Variants in ALOX15 observed in about 807,000 individuals in gnomAD.
ALOX15 encodes arachidonate 15-lipoxygenase, also known as polyunsaturated fatty acid lipoxygenase ALOX15.
Under a neutral mutation model 71.7 loss-of-function variants are expected in ALOX15, and 68 were observed. The ratio of observed to expected loss-of-function variants is 0.95; its 90% confidence interval spans 0.78 to 1.16. The LOEUF is 1.16. Ranked by LOEUF, ALOX15 falls within the 50% of genes most tolerant of loss-of-function variation. The probability of loss-of-function intolerance (pLI) is 0.00; values close to 1 mark genes in which losing one functional copy is unlikely to be tolerated. For synonymous variants in ALOX15, 346 were observed against 333.3 expected (o/e 1.04, Z -0.42); for missense variants, 798 against 818.8 (o/e 0.97, Z 0.31).
chr17:4,639,260 A>G, intron 2 of ALOX15, 128 bp from the exon 3 acceptor site: 1 of 1,306,630 alleles, frequency 7.7e-7, no homozygotes, highest in East Asian at 2.4e-5. Context: ...CCCCTCCCCC[A>G]GGCTCCAGCC....
At position 4,637,189 on chromosome 17, in the gene ALOX15, G is replaced by A; in HGVS notation, c.877C>T (p.Gln293Ter). The change falls in exon 7 of 14, where the codon CAG becomes TAG. Residue 293 changes from glutamine to a stop codon, truncating the protein, a stop_gained. Coordinates refer to ENST00000293761, the MANE Select transcript of ALOX15 (RefSeq NM_001140.5). LOFTEE classifies it high-confidence loss of function. ...ACTAGAGGGGCAGCCAGGTGCTGCT[G>A]GCTACAGAGAATGACGTTGGCCTTG... The part of the protein sequence containing the change: ...GIKANVILCS[Q>*]QHLAAPLVML... The A allele has an allele frequency of 6.8e-6, 11 of 1,614,030 alleles. No homozygotes were observed. Among genetic ancestry groups the A allele is most frequent in the South Asian group, 1.1e-5 (1 of 91,034 alleles).
chr17:4,637,281 G>A (rs539024406), intron 6 of ALOX15, 23 bp from the exon 7 acceptor site: 1 of 1,594,784 alleles, frequency 6.3e-7, no homozygotes, highest in Non-Finnish European at 8.6e-7. Flanking sequence ...AGAGGTCAAG[G>A]GCTGCTATCA....
intron 7 of ALOX15, among the ~76,000 whole-genome samples, chr17:4,636,216 C>G (rs1364944834): frequency 6.6e-6 from 1 of 152,196 alleles, no homozygotes; most frequent in Non-Finnish European, 1.5e-5. Flanking sequence ...CCTCCTCCAG[C>G]CTCCACTTCC....
chr17:4,638,539 G>C, intron 5 of ALOX15, 42 bp downstream of exon 5: 1 of 1,596,046 alleles, frequency 6.3e-7, no homozygotes, highest in Non-Finnish European at 8.6e-7. Flanking sequence ...GATCTGGGTG[G>C]GATCTGGGGG....
At chr17:4,633,904 A>G (rs1419749207) in intron 8 of ALOX15, among the ~76,000 whole-genome samples, 1 of 152,230 alleles carries the variant, frequency 6.6e-6, no homozygotes, top group African/African-American at 2.4e-5. Flanking sequence ...GCTGGAGGCC[A>G]TAATCCTAAG....
At chr17:4,636,095 G>T in intron 7 of ALOX15, 127 bp from the exon 8 acceptor site, 1 of 1,025,966 alleles carries the variant, frequency 9.7e-7, no homozygotes, top group Non-Finnish European at 1.4e-6. Flanking sequence ...TCTCACTCCT[G>T]CCGCTCCCTA....
Position 4,639,497 on chromosome 17 carries a change from G to A in ALOX15, c.270C>T (p.Asp90=). The stretch of plus-strand genomic sequence containing the variant: ...AGCGGTAACAAGGGAACCTGACCTC[G>A]TCCCCGGCTCCGGGGCCCTGCACAG... ...WISVQGPGAG[D]EVRFPCYRWV... is the part of the protein sequence containing the mutation. The change falls in exon 2 of 14, where the codon GAC becomes GAT. Residue 90 remains aspartate, a synonymous_variant. Transcript: ENST00000293761. 2 of 1,613,968 alleles carry A rather than the reference G, an allele frequency of 1.2e-6. No individual in the cohort carries two copies. Among genetic ancestry groups the A allele is most frequent in the Non-Finnish European group, 1.7e-6 (2 of 1,180,024 alleles).
chr17:4,638,899 G>T lies in ALOX15; in HGVS notation c.493C>A (p.Arg165=). 7.4e-6 allele frequency: 12 copies of T among 1,614,150 alleles called. No individual in the cohort carries two copies. The highest frequency in any genetic ancestry group is 1.0e-5 in the Non-Finnish European group (12 of 1,180,028). ...AKLYDLPVDE[R]FLEDKRVDFE... is the part of the protein sequence containing the mutation. ...TCAACTCTCTTGTCTTCCAGAAATC[G>T]CTCATCCACAGGGAGGTCATATAGT... The change falls in exon 4 of 14, where the codon CGA becomes AGA. Residue 165 remains arginine (R), a synonymous_variant. Transcript: ENST00000293761.
In ALOX15 at chr17:4,633,399, T is replaced by C; in HGVS notation, c.1248+15A>G. 6.2e-7 allele frequency: 1 copy of C among 1,613,612 alleles called. No homozygotes were observed. Among genetic ancestry groups the C allele is most frequent in the Non-Finnish European group, 8.5e-7 (1 of 1,179,596 alleles). On this transcript the variant is annotated intron_variant, in intron 9 of 13. Coordinates refer to ENST00000293761, the MANE Select transcript of ALOX15 (RefSeq NM_001140.5). Reference sequence around the variant, plus strand: ...AAAAAAGACAGACCCAGAATCTCCCTTTCTCTTCCCATACCTGGTCGAAAA... The same window carrying C: ...AAAAAAGACAGACCCAGAATCTCCCCTTCTCTTCCCATACCTGGTCGAAAA...
At chr17:4,637,811 A>G (rs1329811126) in intron 6 of ALOX15, among the ~76,000 whole-genome samples, 2 of 152,056 alleles carry the variant, frequency 1.3e-5, no homozygotes, top group African/African-American at 4.8e-5. Context: ...ACAGCTTACA[A>G]ATAGCAGAAC....
Position 4,631,898 on chromosome 17 carries a change from C to T in ALOX15, c.1800G>A (p.Gln600=). The T allele has an allele frequency of 6.2e-7, 1 of 1,611,562 alleles. No homozygotes were observed. Among genetic ancestry groups the T allele is most frequent in the Non-Finnish European group, 8.5e-7 (1 of 1,178,508 alleles). The change falls in exon 13 of 14, where the codon CAG becomes CAA. Residue 600 remains glutamine, a synonymous_variant. Transcript: ENST00000293761. ...GGCACTCAGCTCTCACCATAACGGG[C>T]TGGCGTCTGCCCAGCTGCCAAGTGA... is the stretch of plus-strand genomic sequence containing the variant. ...MSITWQLGRR[Q]PVMVAVGQHE...
At position 4,641,624 on chromosome 17, in the gene ALOX15, T is replaced by C; in HGVS notation, c.28A>G (p.Thr10Ala). MGLYRIRVSTGASLYAGSNN... is the reference protein window; with the variant it reads MGLYRIRVSAGASLYAGSNN... ...GAACCGGCATAGAGCGAGGCCCCAG[T>C]GGACACGCGGATGCGGTAGAGACCC... The change falls in exon 1 of 14, where the codon ACT (threonine) becomes GCT (alanine). Residue 10 changes from threonine to alanine, a missense_variant. Thr to Ala is a moderately conservative substitution (Grantham distance 58). Transcript: ENST00000293761. 6.2e-7 allele frequency: 1 copy of C among 1,613,722 alleles called. No individual in the cohort carries two copies. The highest frequency in any genetic ancestry group is 1.3e-5 in the African/African-American group (1 of 74,994).
At chr17:4,639,914 C>G in intron 1 of ALOX15, 1 of 344,540 alleles carries the variant, frequency 2.9e-6, no homozygotes, top group South Asian at 3.1e-5. Flanking sequence ...TGAGCGCTGC[C>G]GCGCCCTGGA....
At chr17:4,634,084 T>C (rs1911008170) in intron 8 of ALOX15, among the ~76,000 whole-genome samples, 1 of 152,216 alleles carries the variant, frequency 6.6e-6, no homozygotes, top group African/African-American at 2.4e-5. Flanking sequence ...TGGGGTACCA[T>C]GCTTATTACC....
chr17:4,633,089 CCTA>C (rs1910969538), intron 10 of ALOX15, 54 bp downstream of exon 10: 1 of 1,608,458 alleles, frequency 6.2e-7, no homozygotes, highest in Non-Finnish European at 8.5e-7. Context: ...CTCCTGCTCT[CCTA>C]CATGTCTTCT....
chr17:4,637,612 C>G (rs138677906), intron 6 of ALOX15, among the ~76,000 whole-genome samples: 1 of 152,186 alleles, frequency 6.6e-6, no homozygotes. Context: ...CAGGGTTTCA[C>G]CACGTTGCCT....
chr17:4,641,604 G>C lies in ALOX15; in HGVS notation c.48C>G (p.Ala16=), dbSNP rs764616942. 6.2e-7 allele frequency: 1 copy of C among 1,613,878 alleles called. No homozygotes were observed. Among genetic ancestry groups the C allele is most frequent in the Non-Finnish European group, 8.5e-7 (1 of 1,180,038 alleles). ...IRVSTGASLY[A]GSNNQVQLWL... is the part of the protein sequence containing the mutation. The stretch of plus-strand genomic sequence containing the variant: ...ACAGCTGCACCTGGTTGTTGGAACC[G>C]GCATAGAGCGAGGCCCCAGTGGACA... The change falls in exon 1 of 14, where the codon GCC becomes GCG. Residue 16 remains alanine, a synonymous_variant. Coordinates refer to ENST00000293761, the MANE Select transcript of ALOX15 (RefSeq NM_001140.5).
intron 8 of ALOX15, 63 bp from the exon 9 acceptor site, chr17:4,633,563 C>T (rs1476586076): frequency 2.1e-6 from 3 of 1,400,536 alleles, no homozygotes; most frequent in Non-Finnish European, 3.0e-6. Context: ...CTGCAGGAAA[C>T]AAGGGCTGAC....
At position 4,641,678 on chromosome 17, in the gene ALOX15, T is replaced by C. The variant is rs774747739; in HGVS notation, c.-27A>G. 2.1e-6 allele frequency: 3 copies of C among 1,462,430 alleles called. No homozygotes were observed. Among genetic ancestry groups the C allele is most frequent in the Non-Finnish European group, 2.7e-6 (3 of 1,111,558 alleles). 90.6% of individuals were successfully genotyped at this position (1,462,430 alleles called of 1,614,324 possible). A position where few individuals can be genotyped will look rare whatever the true frequency, so the allele number is the denominator to read the frequency against. ...TTGCTCAAAGATGTTTCGCTCCTTC[T>C]GGTGGAGAAGGGTGGACGAGCTAAA... On this transcript the variant is annotated 5_prime_UTR_variant, in exon 1 of 14. Coordinates refer to ENST00000293761, the MANE Select transcript of ALOX15 (RefSeq NM_001140.5).
Sources: allele counts gnomAD v4.1 joint callset (sites outside exome capture counted in the v4.1 genomes callset), GRCh38; gene constraint gnomAD v4.1.1; transcripts MANE v1.5; gene names NCBI Gene and HGNC (gene_info 2026-07-23, HGNC 2026-07-21).